Variants in CPXM2 observed in about 807,000 individuals in gnomAD.
CPXM2 encodes inactive carboxypeptidase-like protein X2.
Under a neutral mutation model 86.1 loss-of-function variants are expected in CPXM2, and 66 were observed. The observed-to-expected ratio is 0.77, with a 90% CI of 0.63 to 0.94. The LOEUF is 0.94. Among genes scored for constraint, CPXM2 ranks in the 40% least tolerant of loss-of-function variants. CPXM2 has a pLI of 0.00. For synonymous variants in CPXM2, 388 were observed against 400.2 expected (o/e 0.97, Z 0.36); for missense variants, 948 against 1,026.3 (o/e 0.92, Z 1.04).
upstream of CPXM2, among the ~76,000 whole-genome samples, chr10:123,940,721 C>T (rs892585457): frequency 6.6e-6 from 1 of 152,198 alleles, no homozygotes; most frequent in Non-Finnish European, 1.5e-5. Flanking sequence ...ACTTGCCTTT[C>T]TGGGACCATG....
chr10:123,757,972 G>A (rs1846251123), intron 11 of CPXM2, among the ~76,000 whole-genome samples: 1 of 151,736 alleles, frequency 6.6e-6, no homozygotes, highest in African/African-American at 2.4e-5. Flanking sequence ...CCAGGACCTT[G>A]TATGTGTCTG....
At chr10:123,912,910 C>A (rs368863095) in intron 2 of CPXM2, among the ~76,000 whole-genome samples, 2 of 152,196 alleles carry the variant, frequency 1.3e-5, no homozygotes, top group South Asian at 2.1e-4. Context: ...AACTGCCAGA[C>A]CTTGTGGATT....
intron 1 of CPXM2, among the ~76,000 whole-genome samples, chr10:123,890,059 G>A (rs1945242772): frequency 6.6e-6 from 1 of 152,226 alleles, no homozygotes; most frequent in Non-Finnish European, 1.5e-5. Flanking sequence ...TAAACTGTCT[G>A]AGCCTCACCC....
intron 3 of CPXM2, among the ~76,000 whole-genome samples, chr10:123,858,107 A>G (rs1350934089): frequency 6.6e-6 from 1 of 152,224 alleles, no homozygotes; most frequent in Non-Finnish European, 1.5e-5. Context: ...TCACACATGA[A>G]CCAATGCTGC....
At chr10:123,750,640 G>A (rs1219785172) in intron 13 of CPXM2, 1 of 964,558 alleles carries the variant, frequency 1.0e-6, no homozygotes, top group Admixed American at 6.2e-5. Context: ...TACTTTTAGA[G>A]GTCATATTTG....
At chr10:123,924,703 G>A (rs1945608971) in intron 2 of CPXM2, among the ~76,000 whole-genome samples, 1 of 152,124 alleles carries the variant, frequency 6.6e-6, no homozygotes, top group South Asian at 2.1e-4. Flanking sequence ...AGTGGCGGTG[G>A]GTGAGCTGAA....
In CPXM2 at chr10:123,770,917, G is replaced by A. The variant is rs139790511; in HGVS notation, c.1101C>T (p.Val367=). Reference sequence around the variant, plus strand: ...GCATCCCAGAGGGGCCCTTCTCACCGACTTCATGCTCCCCAGGGTGATCTG... The same window carrying A: ...GCATCCCAGAGGGGCCCTTCTCACCAACTTCATGCTCCCCAGGGTGATCTG... ...EISDHPGEHE[V]GEPEFHYIAG... is the part of the protein sequence containing the mutation. The change falls in exon 8 of 14, where the codon GTC becomes GTT. Residue 367 remains valine (V), a splice_region_variant and synonymous_variant. Coordinates refer to ENST00000241305, the MANE Select transcript of CPXM2 (RefSeq NM_198148.3). The A allele has an allele frequency of 2.4e-5, 38 of 1,611,036 alleles. No individual in the cohort carries two copies. The highest frequency in any genetic ancestry group is 2.2e-4 in the East Asian group (10 of 44,844).
At chr10:123,936,100 T>TTATCAC (rs1168431789) in intron 2 of CPXM2, among the ~76,000 whole-genome samples, 2 of 152,020 alleles carry the variant, frequency 1.3e-5, no homozygotes, top group African/African-American at 2.4e-5. Flanking sequence ...ACCATCACCA[T>TTATCAC]CATCATCTAT....
At chr10:123,868,941 G>T (rs1944845078) in intron 2 of CPXM2, among the ~76,000 whole-genome samples, 2 of 152,292 alleles carry the variant, frequency 1.3e-5, no homozygotes, top group South Asian at 4.2e-4. Flanking sequence ...ATCTGGTTCT[G>T]GTCCAAGGAC....
At chr10:123,905,756 G>A (rs987997841) in intron 2 of CPXM2, among the ~76,000 whole-genome samples, 1 of 152,080 alleles carries the variant, frequency 6.6e-6, no homozygotes. Context: ...CCTCTTGCCT[G>A]TAGTTTCTTC....
chr10:123,830,981 C>A (rs897463344), intron 4 of CPXM2, among the ~76,000 whole-genome samples: 1 of 151,632 alleles, frequency 6.6e-6, no homozygotes. Flanking sequence ...CTCAGTACAG[C>A]CAAATGTGGG....
At chr10:123,895,834 T>G (rs1372131641), upstream of CPXM2, among the ~76,000 whole-genome samples, 1 of 152,218 alleles carries the variant, frequency 6.6e-6, no homozygotes, top group Non-Finnish European at 1.5e-5. Context: ...GTTTCTGAGT[T>G]CTTCAAATGG....
intron 2 of CPXM2, among the ~76,000 whole-genome samples, chr10:123,933,456 C>T (rs1014150545): frequency 1.9e-4 from 29 of 152,206 alleles, no homozygotes; most frequent in African/African-American, 7.0e-4. Context: ...CAGTTGCTCA[C>T]GCCTATAATC....
intron 2 of CPXM2, among the ~76,000 whole-genome samples, chr10:123,925,071 G>A (rs200346466): frequency 6.9e-6 from 1 of 144,070 alleles, no homozygotes; most frequent in African/African-American, 2.5e-5. Flanking sequence ...TGATTTAGGG[G>A]TAAAGTGTCA....
intron 12 of CPXM2, among the ~76,000 whole-genome samples, chr10:123,756,460 T>C (rs1846214317): frequency 6.6e-6 from 1 of 152,114 alleles, no homozygotes; most frequent in African/African-American, 2.4e-5. Flanking sequence ...CCTCCCCAGC[T>C]GGGCAGCAGA....
intron 2 of CPXM2, among the ~76,000 whole-genome samples, chr10:123,930,586 C>T (rs1428321879): frequency 6.6e-6 from 1 of 152,230 alleles, no homozygotes; most frequent in Non-Finnish European, 1.5e-5. Context: ...CCTCCAAGTG[C>T]ATACAACCAA....
At chr10:123,833,987 C>A (rs1188938256) in intron 4 of CPXM2, among the ~76,000 whole-genome samples, 3 of 152,202 alleles carry the variant, frequency 2.0e-5, no homozygotes, top group Admixed American at 6.5e-5. Context: ...TTAATCCCCA[C>A]AACAACCCTA....
chr10:123,889,347 C>A (rs1160223136), intron 1 of CPXM2, among the ~76,000 whole-genome samples: 1 of 152,148 alleles, frequency 6.6e-6, no homozygotes, highest in Non-Finnish European at 1.5e-5. Context: ...ACGCAAGCCC[C>A]CACAGATTCA....
intron 13 of CPXM2, chr10:123,750,821 C>T (rs2133966682): frequency 1.0e-6 from 1 of 985,060 alleles, no homozygotes; most frequent in Middle Eastern, 5.2e-4. Context: ...CTGCCTGATG[C>T]CCTCATTGGC....
Sources: gnomAD v4.1 joint callset for allele counts (sites outside exome capture counted in the v4.1 genomes callset) on GRCh38, gnomAD v4.1.1 for gene constraint, MANE v1.5 for transcripts, NCBI Gene and HGNC (gene_info 2026-07-23, HGNC 2026-07-21) for gene names.